Variants in PDZD9 observed in about 807,000 individuals in gnomAD.
The protein encoded by PDZD9 is PDZ domain-containing protein 9.
Under a neutral mutation model 16.3 loss-of-function variants are expected in PDZD9, and 13 were observed. That is an observed-to-expected ratio of 0.80 (90% CI 0.52 to 1.27). The LOEUF is 1.27. Among genes scored for constraint, PDZD9 ranks in the 50% most tolerant of loss-of-function variants. The pLI is 0.00. For missense variants in PDZD9, 288 were observed against 310.9 expected, an observed-to-expected ratio of 0.93 and a Z score of 0.55; for synonymous variants, 120 against 111.0, an observed-to-expected ratio of 1.08 and a Z score of -0.51.
downstream of PDZD9, among the ~76,000 whole-genome samples, chr16:21,981,995 C>G (rs977761286): frequency 6.6e-6 from 1 of 151,574 alleles, no homozygotes; most frequent in Admixed American, 6.6e-5. Flanking sequence ...TGCCCACCAC[C>G]ACGGCCGGCT....
chr16:21,995,610 T>C (rs1421182173), intron 2 of PDZD9, among the ~76,000 whole-genome samples: 1 of 152,096 alleles, frequency 6.6e-6, no homozygotes, highest in East Asian at 1.9e-4. Context: ...CATATCCTTT[T>C]TTTTTGAGAC....
At chr16:21,964,133 G>A in the PDZD9 span, among the ~76,000 whole-genome samples, 1 of 152,038 alleles carries the variant, frequency 6.6e-6, no homozygotes. Context: ...GCAGGCCTGG[G>A]GACTGATGTT....
At chr16:21,958,450 G>A in the PDZD9 span, 2 of 1,190,040 alleles carry the variant, frequency 1.7e-6, no homozygotes, top group Non-Finnish European at 2.5e-6. Flanking sequence ...TTTTAAATCT[G>A]CTCACAACAG....
intron 3 of PDZD9, among the ~76,000 whole-genome samples, chr16:21,985,427 G>C (rs1342294580): frequency 6.6e-6 from 1 of 152,110 alleles, no homozygotes; most frequent in Non-Finnish European, 1.5e-5. Context: ...ATGAGCCACT[G>C]TGCCCAGCCA....
downstream of PDZD9, chr16:21,983,435 A>G (rs1898786453): frequency 9.0e-6 from 4 of 444,896 alleles, no homozygotes; most frequent in South Asian, 6.0e-5. Context: ...TAAAGGAGAC[A>G]GGAATATAAT....
chr16:21,972,129 C>A, the PDZD9 span: 2 of 1,610,888 alleles, frequency 1.2e-6, no homozygotes, highest in Non-Finnish European at 1.7e-6. Flanking sequence ...TGATGTGAGT[C>A]TGAACAGTTG....
chr16:21,965,681 C>A, the PDZD9 span: 1 of 523,688 alleles, frequency 1.9e-6, no homozygotes, highest in South Asian at 2.8e-5. Context: ...ATTTTTGTGT[C>A]TCCTTTAAGA....
the PDZD9 span, among the ~76,000 whole-genome samples, chr16:21,970,412 T>C: frequency 6.6e-6 from 1 of 152,212 alleles, no homozygotes; most frequent in African/African-American, 2.4e-5. Flanking sequence ...CCACCAGCAA[T>C]GCACAAAGGT....
the PDZD9 span, chr16:21,968,753 G>A: frequency 4.5e-5 from 64 of 1,427,488 alleles, no homozygotes; most frequent in Middle Eastern, 5.5e-4. Flanking sequence ...CTGTAATTAC[G>A]TGAACATAGG....
Position 21,996,498 on chromosome 16 carries a change from C to A in PDZD9, c.35G>T (p.Arg12Ile). The A allele has an allele frequency of 6.5e-7, 1 of 1,533,864 alleles. No individual in the cohort carries two copies. Among genetic ancestry groups the A allele is most frequent in the Non-Finnish European group, 8.7e-7 (1 of 1,145,112 alleles). The change falls in exon 2 of 4, where the codon AGA (arginine) becomes ATA (isoleucine). Residue 12 changes from arginine (R) to isoleucine (I), a missense_variant. Transcript: ENST00000424898. Reference sequence around the variant, plus strand: ...TGTTTTGACCTTGTTGCTGACTCCTCTTTCTAACCAAAAGAGGGGAACTTA... The same window carrying A: ...TGTTTTGACCTTGTTGCTGACTCCTATTTCTAACCAAAAGAGGGGAACTTA... The part of the protein sequence containing the change: ...QKASHKNKKE[R>I]GVSNKVKTSV...
At chr16:21,993,854 A>T (rs1224669748) in intron 2 of PDZD9, among the ~76,000 whole-genome samples, 1 of 152,128 alleles carries the variant, frequency 6.6e-6, no homozygotes, top group Non-Finnish European at 1.5e-5. Context: ...CAGTTTTAAA[A>T]GCACTTTCAT....
the PDZD9 span, among the ~76,000 whole-genome samples, chr16:21,973,309 G>A: frequency 6.6e-6 from 1 of 152,252 alleles, no homozygotes; most frequent in Admixed American, 6.5e-5. Context: ...TAAGAACTTA[G>A]ATAATTTTTA....
intron 2 of PDZD9, 97 bp from the exon 3 acceptor site, chr16:21,988,888 C>A: frequency 3.3e-4 from 224 of 677,824 alleles, no homozygotes; most frequent in Non-Finnish European, 4.2e-4. Flanking sequence ...TTTATGGGTT[C>A]ATATTGTTGA....
chr16:21,987,302 C>A (rs1025897767), intron 3 of PDZD9, among the ~76,000 whole-genome samples: 15 of 152,090 alleles, frequency 9.9e-5, no homozygotes, highest in South Asian at 8.3e-4. Context: ...CGCCTGTAAT[C>A]CCAGCTACCC....
chr16:21,984,424 T>A lies in PDZD9; in HGVS notation c.638A>T (p.Lys213Met), dbSNP rs894243126. 1 of 1,614,192 alleles carries A rather than the reference T, an allele frequency of 6.2e-7. No individual in the cohort carries two copies. The highest frequency in any genetic ancestry group is 2.2e-5 in the East Asian group (1 of 44,884). Residue 213 changes from lysine to methionine, a missense_variant, in exon 4 of 4, where the codon AAG (lysine) becomes ATG (methionine). By Grantham distance (95) the Lys-to-Met change is moderately conservative (BLOSUM62 -1). Coordinates refer to ENST00000424898, the MANE Select transcript of PDZD9 (RefSeq NM_001363519.1). ...TGGAGAAGGGGCCCTCACTTCTTTC[T>A]TGTCGTCTCTGTGAATCATCACGTC... ...NCDVMIHRDD[K>M]KEVRAPSPYW...
intron 2 of PDZD9, among the ~76,000 whole-genome samples, chr16:21,992,348 AATG>A (rs1158640961): frequency 3.3e-5 from 5 of 152,224 alleles, no homozygotes; most frequent in African/African-American, 9.6e-5. Context: ...AGACATAACA[AATG>A]AGCCACTACT....
At chr16:21,964,430 T>G in the PDZD9 span, among the ~76,000 whole-genome samples, 1 of 152,190 alleles carries the variant, frequency 6.6e-6, no homozygotes, top group Admixed American at 6.5e-5. Context: ...TCTTATTATC[T>G]ATGGGATAAA....
At chr16:21,995,803 A>T (rs983993064) in intron 2 of PDZD9, among the ~76,000 whole-genome samples, 1 of 151,398 alleles carries the variant, frequency 6.6e-6, no homozygotes, top group Non-Finnish European at 1.5e-5. Flanking sequence ...TTATTTATTT[A>T]ATTATTTTTT....
At chr16:21,958,512 A>G in the PDZD9 span, 7 of 1,610,282 alleles carry the variant, frequency 4.3e-6, no homozygotes, top group Non-Finnish European at 5.1e-6. Flanking sequence ...AGCTACAAAG[A>G]TAATCATTCT....
Sources: gnomAD v4.1 joint callset for allele counts (sites outside exome capture counted in the v4.1 genomes callset) on GRCh38, gnomAD v4.1.1 for gene constraint, MANE v1.5 for transcripts, NCBI Gene and HGNC (gene_info 2026-07-23, HGNC 2026-07-21) for gene names.